The following XKR6 variants were observed in gnomAD, a reference collection of about 807,000 sequenced individuals.
XKR6 encodes the protein XK related 6.
In XKR6, 22 loss-of-function variants were observed where a neutral mutation model predicts 56.7. The ratio of observed to expected loss-of-function variants is 0.39; its 90% confidence interval spans 0.28 to 0.55. The LOEUF is 0.55. Among genes scored for constraint, XKR6 ranks in the 20% least tolerant of loss-of-function variants. XKR6 has a pLI of 0.66. For missense variants in XKR6, 852 were observed against 889.0 expected, an observed-to-expected ratio of 0.96 and a Z score of 0.53; for synonymous variants, 524 against 387.8, an observed-to-expected ratio of 1.35 and a Z score of -4.13.
At chr8:11,087,436 A>G (rs1160398513) in intron 1 of XKR6, among the ~76,000 whole-genome samples, 1 of 152,196 alleles carries the variant, frequency 6.6e-6, no homozygotes, top group African/African-American at 2.4e-5. Flanking sequence ...CTGGCCAGGG[A>G]TTAACTTTCC....
At chr8:11,035,277 C>T (rs779578147) in intron 1 of XKR6, 28 of 534,780 alleles carry the variant, frequency 5.2e-5, no homozygotes, top group Middle Eastern at 6.4e-4. Context: ...TCGGGATCAC[C>T]GCCAGCATCA....
intron 1 of XKR6, among the ~76,000 whole-genome samples, chr8:10,985,162 C>G (rs527430859): frequency 6.6e-6 from 1 of 152,098 alleles, no homozygotes; most frequent in African/African-American, 2.4e-5. Flanking sequence ...TGTGTCCCCA[C>G]CCAAATCTCA....
intron 1 of XKR6, among the ~76,000 whole-genome samples, chr8:11,004,036 T>C (rs1037032458): frequency 1.3e-5 from 2 of 151,882 alleles, no homozygotes; most frequent in African/African-American, 2.4e-5. Context: ...CAAGAGTGAG[T>C]GAGCAGAGCA....
At chr8:11,036,943 C>G (rs73196896) in intron 1 of XKR6, among the ~76,000 whole-genome samples, 23,017 of 152,254 alleles carry the variant, frequency 0.15, 1,871 homozygotes, top group Non-Finnish European at 0.19. Flanking sequence ...CTGGCGAGCT[C>G]TCTCAGTTAG....
chr8:10,953,691 C>G (rs1801795745), intron 1 of XKR6, among the ~76,000 whole-genome samples: 1 of 152,156 alleles, frequency 6.6e-6, no homozygotes, highest in African/African-American at 2.4e-5. Flanking sequence ...TTATTTACCC[C>G]TTTAAGATGT....
rs1026004460 is a variant in XKR6, at chr8:10,897,146, A to G, written c.*806T>C. 3.9e-5 allele frequency: 6 copies of G among 152,658 alleles called. No individual in the cohort carries two copies. The highest frequency in any genetic ancestry group is 1.4e-4 in the African/African-American group (6 of 41,456). 9.5% of individuals were successfully genotyped at this position (152,658 alleles called of 1,614,324 possible). A position where few individuals can be genotyped will look rare whatever the true frequency, so the allele number is the denominator to read the frequency against. On this transcript the variant is annotated 3_prime_UTR_variant, in exon 3 of 3. Transcript: ENST00000416569. ...TAGGCAAATGCTAAAATGGCACATA[A>G]TCAGCCTTCAAGTAGCTTCTCCAGC... is the stretch of plus-strand genomic sequence containing the variant.
At chr8:11,093,665 G>GT (rs34623605) in intron 1 of XKR6, among the ~76,000 whole-genome samples, 83,060 of 152,050 alleles carry the variant, frequency 0.55, 25,365 homozygotes, top group African/African-American at 0.8. Flanking sequence ...AAAAACTAGT[G>GT]AATAACTACT....
intron 1 of XKR6, among the ~76,000 whole-genome samples, chr8:11,006,598 C>T (rs1327048753): frequency 6.6e-6 from 1 of 152,158 alleles, no homozygotes; most frequent in African/African-American, 2.4e-5. Context: ...AATGTCCCTG[C>T]ATTGCTGGTG....
chr8:11,108,063 G>C, intron 1 of XKR6: 1 of 325,690 alleles, frequency 3.1e-6, no homozygotes, highest in East Asian at 9.4e-5. Flanking sequence ...AAGTTCCAGT[G>C]AACGATGTAA....
At chr8:10,949,866 A>C (rs1187443764) in intron 1 of XKR6, among the ~76,000 whole-genome samples, 1 of 152,108 alleles carries the variant, frequency 6.6e-6, no homozygotes, top group Non-Finnish European at 1.5e-5. Flanking sequence ...CTGGAGCAAG[A>C]GCCCACTTCC....
At chr8:10,914,627 C>T (rs1309362463) in intron 2 of XKR6, among the ~76,000 whole-genome samples, 1 of 152,176 alleles carries the variant, frequency 6.6e-6, no homozygotes, top group Non-Finnish European at 1.5e-5. Flanking sequence ...GTTTCTGGGA[C>T]CCAGAGAAGA....
chr8:11,169,541 C>G (rs532855171), intron 1 of XKR6, among the ~76,000 whole-genome samples: 28 of 152,110 alleles, frequency 1.8e-4, no homozygotes, highest in South Asian at 6.2e-4. Flanking sequence ...TACAGAAGGA[C>G]AAATATCATA....
rs145985562 is a variant in XKR6, at chr8:10,960,008, A to AG, written c.765-35179dup. Among the ~76,000 whole-genome samples, 373 of 151,728 alleles carry AG rather than the reference A, an allele frequency of 2.5e-3. 2 individuals are homozygous for AG. The highest frequency in any genetic ancestry group is 8.1e-3 in the African/African-American group (337 of 41,414). ...CTGGGATTACAAAAGCCTGAAGGTC[A>AG]GGGGGGGGCCTCCTTAAAATTTGCA... is the stretch of plus-strand genomic sequence containing the variant. On this transcript the variant is annotated intron_variant, in intron 1 of 2. Transcript: ENST00000416569.
chr8:11,061,321 C>T (rs922868883), intron 1 of XKR6, among the ~76,000 whole-genome samples: 1 of 152,106 alleles, frequency 6.6e-6, no homozygotes, highest in Non-Finnish European at 1.5e-5. Flanking sequence ...CAAAAATTAG[C>T]CAGGCGTGAT....
chr8:11,100,765 G>C (rs2409702), intron 1 of XKR6, among the ~76,000 whole-genome samples: 68 of 152,354 alleles, frequency 4.5e-4, no homozygotes, highest in African/African-American at 1.6e-3. Context: ...GCAGTTTCTG[G>C]GGAGGAAGGT....
Position 10,980,119 on chromosome 8 carries a change from T to C in XKR6, c.765-55289A>G, listed in dbSNP as rs78164416. ...GCAGGCCTGGAGCCCAGAAAGGGAG[T>C]GGCCTCAGAGGGAGCTTCAAGAAGG... is the stretch of plus-strand genomic sequence containing the variant. On this transcript the variant is annotated intron_variant, in intron 1 of 2. Transcript: ENST00000416569. 9.2e-4 allele frequency among the ~76,000 whole-genome samples: 139 copies of C among 151,552 alleles called. 2 individuals carry two copies. The East Asian group carries it at 0.023, about 25-fold the overall frequency.
chr8:10,949,869 C>T (rs1801665937), intron 1 of XKR6, among the ~76,000 whole-genome samples: 1 of 152,102 alleles, frequency 6.6e-6, no homozygotes, highest in African/African-American at 2.4e-5. Context: ...GAGCAAGAGC[C>T]CACTTCCACA....
chr8:11,186,630 T>C (rs1181485376), intron 1 of XKR6, among the ~76,000 whole-genome samples: 1 of 152,180 alleles, frequency 6.6e-6, no homozygotes, highest in Non-Finnish European at 1.5e-5. Context: ...TCTTCCCACC[T>C]TGGCCTTGCA....
chr8:11,191,542 C>G (rs1803575463), intron 1 of XKR6, among the ~76,000 whole-genome samples: 1 of 152,058 alleles, frequency 6.6e-6, no homozygotes. Flanking sequence ...GTACTTCTGA[C>G]AAAAATTTGT....
Sources: gnomAD v4.1 joint callset for allele counts (sites outside exome capture counted in the v4.1 genomes callset) on GRCh38, gnomAD v4.1.1 for gene constraint, MANE v1.5 for transcripts, NCBI Gene and HGNC (gene_info 2026-07-23, HGNC 2026-07-21) for gene names.